The following WDR7 variants were observed in gnomAD, a reference collection of about 807,000 sequenced individuals.
WDR7 encodes the protein WD repeat domain 7.
Under a neutral mutation model 169.4 loss-of-function variants are expected in WDR7, and 46 were observed. The observed-to-expected ratio is 0.27, with a 90% confidence interval of 0.21 to 0.35. The LOEUF (loss-of-function observed/expected upper bound fraction) is 0.35. Ranked by LOEUF, WDR7 falls within the 10% of genes least tolerant of loss-of-function variation. The pLI, the probability that WDR7 is intolerant of heterozygous loss-of-function variation, is 1.00. For synonymous variants in WDR7, 612 were observed against 666.8 expected, an observed-to-expected ratio of 0.92 and a Z score of 1.27; for missense variants, 1,534 against 1,859.3, an observed-to-expected ratio of 0.83 and a Z score of 3.22.
At chr18:56,782,638 CT>C (rs2044336362) in intron 19 of WDR7, among the ~76,000 whole-genome samples, 1 of 151,990 alleles carries the variant, frequency 6.6e-6, no homozygotes. Flanking sequence ...TTTAAATGAC[CT>C]TTTGCCAATA....
At chr18:56,884,307 T>G (rs1164143950) in intron 21 of WDR7, among the ~76,000 whole-genome samples, 2 of 152,250 alleles carry the variant, frequency 1.3e-5, no homozygotes, top group Non-Finnish European at 2.9e-5. Context: ...TATATCTCCT[T>G]TTGAAAATTG....
intron 25 of WDR7, among the ~76,000 whole-genome samples, chr18:56,940,189 AT>A (rs1187160246): frequency 6.6e-6 from 1 of 152,040 alleles, no homozygotes; most frequent in Non-Finnish European, 1.5e-5. Flanking sequence ...GTTATATAAC[AT>A]TTTTCTTTTT....
chr18:56,785,963 G>A (rs1243395056), intron 19 of WDR7, among the ~76,000 whole-genome samples: 1 of 151,882 alleles, frequency 6.6e-6, no homozygotes, highest in Non-Finnish European at 1.5e-5. Context: ...ACCATGCCTG[G>A]CTCTCAGGAC....
At position 56,779,544 on chromosome 18, in the gene WDR7, T is replaced by C. The variant is rs1220424476; in HGVS notation, c.3061T>C (p.Leu1021=). The C allele has an allele frequency of 1.2e-6, 2 of 1,612,566 alleles. No homozygotes were observed. The highest frequency in any genetic ancestry group is 2.7e-5 in the African/African-American group (2 of 74,874). Reference sequence around the variant, plus strand: ...GGCCCGAAGATGGCAAGATCGATGCTTGGAGGTAATGCTAAAGTGATAAGG... The same window carrying C: ...GGCCCGAAGATGGCAAGATCGATGCCTGGAGGTAATGCTAAAGTGATAAGG... The part of the protein sequence containing the change: ...MLARRWQDRC[L]EVREAAQALL... The change falls in exon 18 of 28, where the codon TTG becomes CTG. Residue 1021 remains leucine (L), a synonymous_variant. Transcript: ENST00000254442.
At chr18:56,814,551 T>C (rs2044930570) in intron 19 of WDR7, among the ~76,000 whole-genome samples, 1 of 152,252 alleles carries the variant, frequency 6.6e-6, no homozygotes, top group African/African-American at 2.4e-5. Flanking sequence ...AAATTGATCA[T>C]ATAAATCTAA....
chr18:56,906,845 A>G (rs2046484850), intron 21 of WDR7, among the ~76,000 whole-genome samples: 2 of 152,140 alleles, frequency 1.3e-5, no homozygotes, highest in Admixed American at 1.3e-4. Context: ...CCCAGTCTAC[A>G]CTTCTTTCTA....
chr18:57,003,938 T>G (rs2048019285), intron 26 of WDR7, among the ~76,000 whole-genome samples: 1 of 152,020 alleles, frequency 6.6e-6, no homozygotes, highest in South Asian at 2.1e-4. Context: ...TCCCTCCGCA[T>G]GGAGGGTGTG....
intron 25 of WDR7, among the ~76,000 whole-genome samples, chr18:56,954,166 A>G (rs1599188711): frequency 6.6e-6 from 1 of 152,350 alleles, no homozygotes; most frequent in East Asian, 1.9e-4. Flanking sequence ...TCCCTCTAAA[A>G]TCATTGACAT....
chr18:56,662,853 TA>T (rs1347967646), intron 1 of WDR7, among the ~76,000 whole-genome samples: 3 of 152,000 alleles, frequency 2.0e-5, no homozygotes, highest in South Asian at 2.1e-4. Flanking sequence ...AAATTAGTAT[TA>T]AAAAAAATAA....
intron 12 of WDR7, among the ~76,000 whole-genome samples, chr18:56,706,646 C>A (rs1460914496): frequency 1.3e-5 from 2 of 151,976 alleles, no homozygotes; most frequent in Non-Finnish European, 2.9e-5. Flanking sequence ...TTTGTACGTT[C>A]ATTTTCAGTA....
intron 26 of WDR7, among the ~76,000 whole-genome samples, chr18:56,992,739 G>T (rs1323970479): frequency 3.3e-5 from 5 of 152,174 alleles, no homozygotes; most frequent in Admixed American, 3.3e-4. Context: ...GTCTTCCTCA[G>T]TCTTGTCCTG....
Position 56,681,288 on chromosome 18 carries a change from A to G in WDR7, c.267-25A>G, listed in dbSNP as rs757758167. The G allele has an allele frequency of 3.3e-6, 5 of 1,515,796 alleles. No individual in the cohort carries two copies. The African/African-American group carries it at 5.6e-5, about 17-fold the overall frequency. 93.9% of individuals were successfully genotyped at this position (1,515,796 alleles called of 1,614,324 possible). On this transcript the variant is annotated intron_variant, in intron 3 of 27. Transcript: ENST00000254442. ...TGGTGCTTTAAAAAGTCACACTCAA[A>G]GCTGACCATTATTTTGTTTTATAGA... is the stretch of plus-strand genomic sequence containing the variant.
chr18:56,813,525 A>C (rs2044911835), intron 19 of WDR7, among the ~76,000 whole-genome samples: 1 of 151,382 alleles, frequency 6.6e-6, no homozygotes, highest in Admixed American at 6.6e-5. Context: ...TATGAGCAGG[A>C]ATTCTTTTTT....
chr18:56,683,003 C>G, intron 5 of WDR7, 150 bp downstream of exon 5: 1 of 876,004 alleles, frequency 1.1e-6, no homozygotes, highest in Non-Finnish European at 1.7e-6. Flanking sequence ...TCTGTTTCTT[C>G]CTTCATAAAG....
At chr18:56,897,408 G>GAA (rs10629584) in intron 21 of WDR7, among the ~76,000 whole-genome samples, 124,445 of 151,544 alleles carry the variant, frequency 0.82, 51,495 homozygotes, top group East Asian at 0.98. Context: ...AGCAAAAAAA[G>GAA]AATGGAAAAA....
chr18:56,769,487 C>T (rs2044119886), intron 16 of WDR7, among the ~76,000 whole-genome samples: 1 of 152,176 alleles, frequency 6.6e-6, no homozygotes, highest in Non-Finnish European at 1.5e-5. Flanking sequence ...GAGTAAGCCT[C>T]TGTGCCTGAC....
intron 25 of WDR7, among the ~76,000 whole-genome samples, chr18:56,947,743 C>A (rs1467981908): frequency 6.6e-6 from 1 of 152,202 alleles, no homozygotes; most frequent in Non-Finnish European, 1.5e-5. Flanking sequence ...AGGCGTAGAG[C>A]AGTACTTGCG....
rs1248378899 is a variant in WDR7, at chr18:56,721,336, GT to G, written c.1774+3181del. 11 of 152,172 alleles carry G rather than the reference GT, an allele frequency of 7.2e-5. No individual in the cohort carries two copies. The East Asian group carries it at 1.7e-3, about 24-fold the overall frequency. The allele number at this position is 152,172 out of a possible 1,614,324, so 9.4% of individuals were successfully genotyped here. A position where few individuals can be genotyped will look rare whatever the true frequency, so the allele number is the denominator to read the frequency against. On this transcript the variant is annotated intron_variant, in intron 13 of 27. Coordinates refer to ENST00000254442, the MANE Select transcript of WDR7 (RefSeq NM_015285.3). ...TTTTTCCTTCAAATGAGTACTTTGT[GT>G]TTTCAGTTTATAGTTCCCTGTGAAA...
intron 14 of WDR7, among the ~76,000 whole-genome samples, chr18:56,750,099 G>A (rs2043767132): frequency 6.6e-6 from 1 of 151,860 alleles, no homozygotes. Flanking sequence ...TCATAGTTCT[G>A]TTGTTTTCCT....
Sources: allele counts gnomAD v4.1 joint callset (sites outside exome capture counted in the v4.1 genomes callset), GRCh38; gene constraint gnomAD v4.1.1; transcripts MANE v1.5; gene names NCBI Gene and HGNC (gene_info 2026-07-23, HGNC 2026-07-21).